ZNF518A: variants seen among roughly 807,000 people sequenced by gnomAD.
ZNF518A encodes zinc finger protein 518.
In ZNF518A, 47 loss-of-function variants were observed where a neutral mutation model predicts 102.7. The ratio of observed to expected loss-of-function variants is 0.46; its 90% CI spans 0.36 to 0.58. The LOEUF (loss-of-function observed/expected upper bound fraction) is 0.58, where lower values mean the gene tolerates loss of function less well. Ranked by LOEUF, ZNF518A falls within the 20% of genes least tolerant of loss-of-function variation. ZNF518A has a pLI of 0.00. For synonymous variants in ZNF518A, 652 were observed against 594.6 expected, an observed-to-expected ratio of 1.10 and a Z score of -1.40; for missense variants, 1,793 against 1,699.8, an observed-to-expected ratio of 1.05 and a Z score of -0.96.
chr10:96,156,694 C>T lies in ZNF518A; in HGVS notation c.372C>T (p.Cys124=). ...AKILNFSCLK[C]RDNTRYSPND... ...TACTCAATTTCAGCTGTTTAAAATGCCGAGACAACACTCGATATAGCCCAA... is the reference window on the plus strand; with the variant it reads ...TACTCAATTTCAGCTGTTTAAAATGTCGAGACAACACTCGATATAGCCCAA... Residue 124 remains cysteine, a synonymous_variant, in exon 6 of 6, where the codon TGC becomes TGT. Transcript: ENST00000316045. 2 of 1,613,702 alleles carry T rather than the reference C, an allele frequency of 1.2e-6. No individual in the cohort carries two copies. Among genetic ancestry groups the T allele is most frequent in the Non-Finnish European group, 1.7e-6 (2 of 1,179,756 alleles).
intron 1 of ZNF518A, chr10:96,201,071 AG>A: frequency 6.2e-7 from 1 of 1,609,134 alleles, no homozygotes; most frequent in Admixed American, 1.7e-5. Flanking sequence ...GAAAGGGATC[AG>A]AAAAGTCCTT....
chr10:96,154,930 A>T lies in ZNF518A; in HGVS notation c.-301-396A>T, dbSNP rs587732911. On this transcript the variant is annotated intron_variant, in intron 3 of 5. Transcript: ENST00000316045. Reference sequence around the variant, plus strand: ...CAGTAAAGGATTTCTAAAACAGTAAAGTTTGTAGGTATTTAGATTAATTGA... The same window carrying T: ...CAGTAAAGGATTTCTAAAACAGTAATGTTTGTAGGTATTTAGATTAATTGA... Among the ~76,000 whole-genome samples the T allele has an allele frequency of 1.2e-3, 182 of 152,320 alleles. 1 individual carries two copies. The highest frequency in any genetic ancestry group is 4.1e-3 in the African/African-American group (171 of 41,576).
At position 96,161,567 on chromosome 10, in the gene ZNF518A, C is replaced by T. The variant is rs986872762; in HGVS notation, c.*793C>T. 4 of 166,592 alleles carry T rather than the reference C, an allele frequency of 2.4e-5. No homozygotes were observed. The highest frequency in any genetic ancestry group is 4.4e-5 in the Non-Finnish European group (3 of 68,000). 10.3% of individuals were successfully genotyped at this position (166,592 alleles called of 1,614,324 possible). A position where few individuals can be genotyped will look rare whatever the true frequency, so the allele number is the denominator to read the frequency against. On this transcript the variant is annotated 3_prime_UTR_variant, in exon 6 of 6. Coordinates refer to ENST00000316045, the MANE Select transcript of ZNF518A (RefSeq NM_001330736.2). ...AAATTTGATTATATTCTCTGATGAT[C>T]CCTTTGCACAGAACTATGCTTATCT...
At position 96,157,390 on chromosome 10, in the gene ZNF518A, T is replaced by G; in HGVS notation, c.1068T>G (p.Thr356=). The G allele has an allele frequency of 6.2e-7, 1 of 1,612,004 alleles. No homozygotes were observed. Among genetic ancestry groups the G allele is most frequent in the Non-Finnish European group, 8.5e-7 (1 of 1,178,982 alleles). ...QVLKKMNKTQ[T]KSEDQSHVVQ... is the part of the protein sequence containing the mutation. ...TTAAGAAAATGAACAAAACACAGAC[T>G]AAATCTGAAGACCAGAGCCATGTTG... Residue 356 remains threonine, a synonymous_variant, in exon 6 of 6, where the codon ACT becomes ACG. Transcript: ENST00000316045.
chr10:96,177,727 A>G (rs587688407), intron 1 of ZNF518A, among the ~76,000 whole-genome samples: 1 of 152,298 alleles, frequency 6.6e-6, no homozygotes, highest in African/African-American at 2.4e-5. Context: ...CAGAAGGCAC[A>G]AAATGGAAAA....
downstream of ZNF518A, chr10:96,204,272 T>C (rs1004811551): frequency 2.0e-5 from 15 of 768,530 alleles, no homozygotes; most frequent in Non-Finnish European, 3.0e-5. Context: ...CTCTTCCTTT[T>C]AGTTTTGAAA....
intron 1 of ZNF518A, among the ~76,000 whole-genome samples, chr10:96,188,143 C>G (rs1330637660): frequency 7.2e-5 from 11 of 152,218 alleles, no homozygotes; most frequent in Non-Finnish European, 1.2e-4. Flanking sequence ...AGCCACCATG[C>G]CCAGCCTCTT....
intron 3 of ZNF518A, among the ~76,000 whole-genome samples, chr10:96,133,928 C>T (rs1439514914): frequency 1.3e-5 from 2 of 152,124 alleles, no homozygotes; most frequent in East Asian, 3.9e-4. Flanking sequence ...GTAACTTTTT[C>T]CTATATAATA....
chr10:96,151,335 T>G (rs1303010755), intron 3 of ZNF518A: 12 of 152,216 alleles, frequency 7.9e-5, no homozygotes, highest in Non-Finnish European at 1.8e-4. Context: ...ACAGGGCTCT[T>G]AAACAGAGGA....
chr10:96,204,793 A>G, downstream of ZNF518A: 2 of 627,208 alleles, frequency 3.2e-6, no homozygotes, highest in Non-Finnish European at 5.8e-6. Context: ...TGGTTGTGCT[A>G]TGAGGACCAG....
Position 96,171,629 on chromosome 10 carries a change from TGAA to T in ZNF518A, n.35+15584_35+15586del, listed in dbSNP as rs1319337041. Among the ~76,000 whole-genome samples the T allele has an allele frequency of 2.6e-5, 4 of 152,172 alleles. No homozygotes were observed. The East Asian group carries it at 7.7e-4, about 29-fold the overall frequency. On this transcript the variant is annotated intron_variant and non_coding_transcript_variant, in intron 1 of 2. Coordinates refer to the ZNF518A transcript ENST00000442635. ...TTCTGGGAATTCACTAAGAAACCAT[TGAA>T]GTGTACATTTTATATGTGTGAATTA...
chr10:96,199,733 A>G (rs2083577785), intron 1 of ZNF518A, among the ~76,000 whole-genome samples: 1 of 152,148 alleles, frequency 6.6e-6, no homozygotes, highest in Admixed American at 6.5e-5. Context: ...AAATGATCAG[A>G]CCTTGGCCGG....
downstream of ZNF518A, chr10:96,204,421 T>G: frequency 8.1e-7 from 1 of 1,234,044 alleles, no homozygotes. Context: ...CAATGAAATG[T>G]TGGATTTTTA....
At chr10:96,188,823 A>G (rs1393448039) in intron 1 of ZNF518A, among the ~76,000 whole-genome samples, 1 of 152,204 alleles carries the variant, frequency 6.6e-6, no homozygotes, top group Non-Finnish European at 1.5e-5. Context: ...TGGCTTAAAA[A>G]GCCAGAAATT....
rs782592719 is a variant in ZNF518A, at chr10:96,158,910, A to T, written c.2588A>T (p.Lys863Ile). 1 of 1,613,720 alleles carries T rather than the reference A, an allele frequency of 6.2e-7. No individual in the cohort carries two copies. Among genetic ancestry groups the T allele is most frequent in the South Asian group, 1.1e-5 (1 of 91,050 alleles). ...NDLNLKFGKE[K>I]QVSSIPQDVR... ...TTGAATTTGAAATTTGGAAAAGAAA[A>T]ACAAGTGTCATCAATACCACAAGAT... Residue 863 changes from lysine to isoleucine, a missense_variant, in exon 6 of 6, where the codon AAA (lysine) becomes ATA (isoleucine). This residue lies in a region of ZNF518A where 1,741 missense variants were observed against 1,622.6 expected (regional missense o/e 1.07). Transcript: ENST00000316045.
intron 3 of ZNF518A, among the ~76,000 whole-genome samples, chr10:96,149,174 G>A (rs2133559032): frequency 6.6e-6 from 1 of 152,328 alleles, no homozygotes; most frequent in African/African-American, 2.4e-5. Context: ...ACTCTGAAAA[G>A]TTTATAAATG....
At chr10:96,150,999 C>A (rs587712901) in intron 3 of ZNF518A, among the ~76,000 whole-genome samples, 2 of 151,984 alleles carry the variant, frequency 1.3e-5, no homozygotes, top group African/African-American at 4.8e-5. Context: ...GTGATCCGCC[C>A]CCCTCGGCCT....
At chr10:96,199,822 G>A (rs1226945155) in intron 1 of ZNF518A, 4 of 243,516 alleles carry the variant, frequency 1.6e-5, no homozygotes, top group African/African-American at 4.6e-5. Flanking sequence ...TCAGGAGTTC[G>A]AGAGCAGCCT....
At chr10:96,178,204 C>A (rs587694766) in intron 1 of ZNF518A, among the ~76,000 whole-genome samples, 1 of 152,188 alleles carries the variant, frequency 6.6e-6, no homozygotes, top group South Asian at 2.1e-4. Flanking sequence ...AGAACATCCA[C>A]TAAATTTACA....
Sources: allele counts gnomAD v4.1 joint callset (sites outside exome capture counted in the v4.1 genomes callset), GRCh38; gene constraint gnomAD v4.1.1; regional missense constraint gnomAD v4.1.1; transcripts MANE v1.5; gene names NCBI Gene and HGNC (gene_info 2026-07-23, HGNC 2026-07-21).